KCNMA1: variants seen among roughly 807,000 people sequenced by gnomAD.
KCNMA1 encodes Calcium-activated potassium channel subunit alpha-1.
Under a neutral mutation model 140.0 loss-of-function variants are expected in KCNMA1, and 29 were observed. The observed-to-expected ratio is 0.21, with a 90% CI of 0.15 to 0.28. The LOEUF (loss-of-function observed/expected upper bound fraction) is 0.28. Among genes scored for constraint, KCNMA1 ranks in the 10% least tolerant of loss-of-function variants. The pLI is 1.00. For synonymous variants in KCNMA1, 612 were observed against 611.9 expected (o/e 1.00, Z 0.00); for missense variants, 880 against 1,602.2 (o/e 0.55, Z 7.70).
intron 1 of KCNMA1, among the ~76,000 whole-genome samples, chr10:77,524,963 G>A (rs991534012): frequency 2.0e-5 from 3 of 152,180 alleles, no homozygotes; most frequent in Admixed American, 2.0e-4. Flanking sequence ...AGCAGGCTAA[G>A]CCGCTGTCAC....
intron 8 of KCNMA1, among the ~76,000 whole-genome samples, chr10:77,109,952 C>G (rs1356497724): frequency 6.6e-6 from 1 of 152,138 alleles, no homozygotes; most frequent in Non-Finnish European, 1.5e-5. Flanking sequence ...AAATGGCTGT[C>G]CCCGACAAGG....
At chr10:77,214,004 T>A (rs565624089) in intron 3 of KCNMA1, among the ~76,000 whole-genome samples, 6 of 152,202 alleles carry the variant, frequency 3.9e-5, no homozygotes, top group African/African-American at 1.4e-4. Flanking sequence ...TCCAGCCTAA[T>A]TCCCATAGTC....
At chr10:77,361,067 TTGAGTC>T (rs1373275173) in intron 2 of KCNMA1, among the ~76,000 whole-genome samples, 1 of 152,168 alleles carries the variant, frequency 6.6e-6, no homozygotes, top group Non-Finnish European at 1.5e-5. Context: ...ATCCAGCTGT[TTGAGTC>T]TGAAAGTTAC....
intron 24 of KCNMA1, chr10:76,911,233 G>A (rs1049308130): frequency 6.6e-6 from 1 of 151,814 alleles, no homozygotes; most frequent in African/African-American, 2.4e-5. Context: ...TTTACTGTAT[G>A]AAGCAGAATA....
At chr10:77,259,380 AAT>A (rs1374522111) in intron 2 of KCNMA1, among the ~76,000 whole-genome samples, 1 of 152,172 alleles carries the variant, frequency 6.6e-6, no homozygotes, top group African/African-American at 2.4e-5. Flanking sequence ...CCAAAAGTGC[AAT>A]ACTATGAAGC....
Position 77,112,430 on chromosome 10 carries a change from C to T in KCNMA1, c.897G>A (p.Lys299=). Residue 299 remains lysine (K), a synonymous_variant, in exon 7 of 28, where the codon AAG becomes AAA. Coordinates refer to ENST00000286628, the MANE Select transcript of KCNMA1 (RefSeq NM_001161352.2). ...TAAATATGGAGAGCAGATTCACCAG[C>T]TTGATGGAATTACTGTGCAAGAGAC... ...LNILKTSNSI[K]LVNLLSIFIS... 6.2e-7 allele frequency: 1 copy of T among 1,613,670 alleles called. No homozygotes were observed. Among genetic ancestry groups the T allele is most frequent in the Non-Finnish European group, 8.5e-7 (1 of 1,179,620 alleles).
intron 1 of KCNMA1, among the ~76,000 whole-genome samples, chr10:77,493,021 A>G (rs548865510): frequency 2.2e-4 from 33 of 152,364 alleles, no homozygotes; most frequent in African/African-American, 7.7e-4. Flanking sequence ...GTAGCTGAAC[A>G]CAAGTCTAAG....
chr10:77,063,896 C>A (rs2095845606), intron 14 of KCNMA1: 2 of 985,266 alleles, frequency 2.0e-6, no homozygotes, highest in South Asian at 9.4e-5. Context: ...GATGCTTGGC[C>A]AGAGGCTTGT....
At chr10:77,307,416 T>C (rs770951402) in intron 2 of KCNMA1, among the ~76,000 whole-genome samples, 5 of 152,234 alleles carry the variant, frequency 3.3e-5, no homozygotes, top group Non-Finnish European at 7.3e-5. Flanking sequence ...TGTTTCCTAC[T>C]TTAAGTGCAA....
chr10:77,207,979 C>T (rs560646068), intron 3 of KCNMA1, among the ~76,000 whole-genome samples: 2 of 152,226 alleles, frequency 1.3e-5, no homozygotes, highest in Admixed American at 6.5e-5. Context: ...TCAGCAAGTT[C>T]GCTTGCTTTG....
At chr10:77,553,415 G>A (rs1001196011) in intron 1 of KCNMA1, among the ~76,000 whole-genome samples, 5 of 152,136 alleles carry the variant, frequency 3.3e-5, no homozygotes, top group African/African-American at 7.2e-5. Context: ...GGAACCAGGC[G>A]CCGTTGACAC....
chr10:77,575,154 G>A (rs945011375), intron 1 of KCNMA1, among the ~76,000 whole-genome samples: 1 of 152,146 alleles, frequency 6.6e-6, no homozygotes, highest in African/African-American at 2.4e-5. Context: ...GCCTCCACCA[G>A]TGCCCAGAAC....
Position 77,073,145 on chromosome 10 carries a change from G to C in KCNMA1, c.1701C>G (p.Gly567=). ...GFIAQSCLAQ[G]LSTMLANLFS... Reference sequence around the variant, plus strand: ...AGAGGTTGGCAAGCATGGTGGAGAGGCCTTGAGCCAGGCAGCTCTGGGCTA... The same window carrying C: ...AGAGGTTGGCAAGCATGGTGGAGAGCCCTTGAGCCAGGCAGCTCTGGGCTA... The change falls in exon 14 of 28, where the codon GGC becomes GGG. Residue 567 remains glycine (G), a synonymous_variant. Coordinates refer to ENST00000286628, the MANE Select transcript of KCNMA1 (RefSeq NM_001161352.2). 1 of 1,614,144 alleles carries C rather than the reference G, an allele frequency of 6.2e-7. No individual in the cohort carries two copies. Among genetic ancestry groups the C allele is most frequent in the Non-Finnish European group, 8.5e-7 (1 of 1,179,984 alleles).
intron 3 of KCNMA1, among the ~76,000 whole-genome samples, chr10:77,201,561 A>G (rs1431733900): frequency 1.3e-5 from 2 of 152,188 alleles, no homozygotes; most frequent in Non-Finnish European, 2.9e-5. Flanking sequence ...GAAGGACCTC[A>G]TTTCAAAGGA....
At chr10:77,352,219 C>T (rs1475091160) in intron 2 of KCNMA1, among the ~76,000 whole-genome samples, 1 of 152,196 alleles carries the variant, frequency 6.6e-6, no homozygotes, top group African/African-American at 2.4e-5. Context: ...TCATTGCATG[C>T]TGGTGTTGGG....
At chr10:77,461,671 AC>A (rs1184521999) in intron 1 of KCNMA1, among the ~76,000 whole-genome samples, 1 of 152,058 alleles carries the variant, frequency 6.6e-6, no homozygotes, top group Admixed American at 6.5e-5. Context: ...CAGAACACTT[AC>A]GGGGCTTGTT....
At chr10:77,608,014 G>A (rs1222084247) in intron 1 of KCNMA1, among the ~76,000 whole-genome samples, 1 of 152,046 alleles carries the variant, frequency 6.6e-6, no homozygotes, top group Non-Finnish European at 1.5e-5. Flanking sequence ...TAGGGTCCCT[G>A]TGGCCTGGAC....
chr10:77,523,843 C>A (rs570782665), intron 1 of KCNMA1, among the ~76,000 whole-genome samples: 10 of 151,744 alleles, frequency 6.6e-5, no homozygotes, highest in Non-Finnish European at 1.5e-4. Context: ...TTAATGGATA[C>A]AAAAAAATAG....
At chr10:77,362,380 C>CAT (rs1162220342) in intron 2 of KCNMA1, among the ~76,000 whole-genome samples, 6 of 143,154 alleles carry the variant, frequency 4.2e-5, no homozygotes, top group African/African-American at 1.6e-4. Flanking sequence ...CACACACACA[C>CAT]ACGATGCTGG....
Sources: allele counts gnomAD v4.1 joint callset (sites outside exome capture counted in the v4.1 genomes callset), GRCh38; gene constraint gnomAD v4.1.1; transcripts MANE v1.5; gene names NCBI Gene and HGNC (gene_info 2026-07-23, HGNC 2026-07-21).